SLC2A13: variants seen among roughly 807,000 people sequenced by gnomAD.
SLC2A13 encodes solute carrier family 2 member 13, also known as proton myo-inositol cotransporter.
In SLC2A13, 32 loss-of-function variants were observed where a neutral mutation model predicts 64.4. The observed-to-expected ratio is 0.50, with a 90% CI of 0.37 to 0.67. SLC2A13 has a LOEUF of 0.67. SLC2A13 is among the 30% of genes least tolerant of loss of function. SLC2A13 has a pLI of 0.00. For synonymous variants in SLC2A13, 338 were observed against 327.1 expected (o/e 1.03, Z -0.36); for missense variants, 743 against 829.2 (o/e 0.90, Z 1.28).
intron 3 of SLC2A13, among the ~76,000 whole-genome samples, chr12:40,003,469 T>C (rs1947352689): frequency 2.6e-5 from 4 of 152,122 alleles, no homozygotes. Context: ...AGGTGCCCCA[T>C]AGACAAATAT....
intron 4 of SLC2A13, among the ~76,000 whole-genome samples, chr12:39,919,738 C>A (rs1479681878): frequency 6.6e-6 from 1 of 152,042 alleles, no homozygotes; most frequent in East Asian, 1.9e-4. Flanking sequence ...CCTATAATTT[C>A]ATCTTTTCTA....
At chr12:39,901,840 G>T (rs1350058552) in intron 4 of SLC2A13, among the ~76,000 whole-genome samples, 1 of 147,690 alleles carries the variant, frequency 6.8e-6, no homozygotes, top group Non-Finnish European at 1.5e-5. Flanking sequence ...TCCCATTACT[G>T]GGTATATACC....
intron 1 of SLC2A13, among the ~76,000 whole-genome samples, chr12:40,049,973 C>T (rs17489246): frequency 6.6e-6 from 1 of 152,084 alleles, no homozygotes; most frequent in Non-Finnish European, 1.5e-5. Context: ...TAAGCATGTG[C>T]TAATAGACAC....
At chr12:39,938,193 T>A (rs992902893) in intron 4 of SLC2A13, among the ~76,000 whole-genome samples, 1 of 152,152 alleles carries the variant, frequency 6.6e-6, no homozygotes, top group Non-Finnish European at 1.5e-5. Context: ...CAATCATACA[T>A]GCTTTCTCAT....
chr12:40,101,240 TTTTTTTTACAACCAG>T (rs1199475939), intron 1 of SLC2A13, among the ~76,000 whole-genome samples: 6 of 151,576 alleles, frequency 4.0e-5, no homozygotes, highest in African/African-American at 1.5e-4. Context: ...GCACGCAGTA[TTTTTTTTACAACCAG>T]TCAAGAAAAC....
intron 6 of SLC2A13, among the ~76,000 whole-genome samples, chr12:39,853,304 G>C (rs1461681929): frequency 6.6e-6 from 1 of 152,030 alleles, no homozygotes; most frequent in Admixed American, 6.6e-5. Flanking sequence ...GAACCACTGT[G>C]GGTGATCTAA....
At chr12:39,828,657 T>C (rs1321640197) in intron 7 of SLC2A13, among the ~76,000 whole-genome samples, 1 of 152,102 alleles carries the variant, frequency 6.6e-6, no homozygotes, top group African/African-American at 2.4e-5. Context: ...TATGTACATT[T>C]CTTTTTTTAA....
At chr12:40,043,734 GAA>G (rs76244392) in intron 2 of SLC2A13, among the ~76,000 whole-genome samples, 2 of 148,742 alleles carry the variant, frequency 1.3e-5, no homozygotes, top group African/African-American at 4.9e-5. Context: ...AATATATTAG[GAA>G]AAAAAAAAGT....
intron 1 of SLC2A13, among the ~76,000 whole-genome samples, chr12:40,099,546 C>A (rs1385227103): frequency 6.6e-6 from 1 of 152,070 alleles, no homozygotes; most frequent in African/African-American, 2.4e-5. Context: ...CATAAGAGGG[C>A]AAAATGGATG....
intron 3 of SLC2A13, among the ~76,000 whole-genome samples, chr12:40,026,837 T>C (rs1196392872): frequency 6.6e-6 from 1 of 152,196 alleles, no homozygotes; most frequent in Non-Finnish European, 1.5e-5. Context: ...CCCAGTACTT[T>C]GGGAGGCCAA....
intron 1 of SLC2A13, chr12:40,068,124 G>A (rs1291876626): frequency 5.1e-6 from 1 of 195,724 alleles, no homozygotes; most frequent in Non-Finnish European, 1.1e-5. Context: ...TGCCCAGGGT[G>A]GTCTCCAACT....
At chr12:40,024,617 T>C (rs1394024478) in intron 3 of SLC2A13, among the ~76,000 whole-genome samples, 3 of 152,218 alleles carry the variant, frequency 2.0e-5, no homozygotes, top group Non-Finnish European at 4.4e-5. Context: ...TTTGTAGTTA[T>C]CTAGTAGTTA....
At chr12:39,913,484 T>A (rs1223970239) in intron 4 of SLC2A13, among the ~76,000 whole-genome samples, 1 of 149,936 alleles carries the variant, frequency 6.7e-6, no homozygotes, top group Non-Finnish European at 1.5e-5. Context: ...AATTTAGTCA[T>A]CAAAAGACTG....
intron 7 of SLC2A13, among the ~76,000 whole-genome samples, chr12:39,827,997 G>A (rs1039389779): frequency 1.3e-5 from 2 of 152,032 alleles, no homozygotes; most frequent in African/African-American, 4.8e-5. Context: ...CAAGGTCATG[G>A]TTGACTTTGC....
intron 7 of SLC2A13, among the ~76,000 whole-genome samples, chr12:39,805,673 G>A (rs923385047): frequency 2.6e-5 from 4 of 152,130 alleles, no homozygotes; most frequent in African/African-American, 4.8e-5. Flanking sequence ...AATCCATTCC[G>A]CTTAAATAAT....
At chr12:39,925,192 C>T (rs543826563) in intron 4 of SLC2A13, among the ~76,000 whole-genome samples, 2 of 151,792 alleles carry the variant, frequency 1.3e-5, no homozygotes, top group South Asian at 2.1e-4. Context: ...CCATCATGCC[C>T]GGCTAATTTT....
intron 3 of SLC2A13, among the ~76,000 whole-genome samples, chr12:40,006,056 T>C (rs977185973): frequency 2.0e-5 from 3 of 152,148 alleles, no homozygotes; most frequent in Admixed American, 1.3e-4. Context: ...TACATGAATG[T>C]TTTAAGTCTA....
chr12:39,972,015 T>TATATATATATATATATATATA (rs1491210436), intron 3 of SLC2A13, among the ~76,000 whole-genome samples: 6 of 80,922 alleles, frequency 7.4e-5, no homozygotes, highest in African/African-American at 9.9e-5. Context: ...TATATATATA[T>TATATATATATATATATATATA]TTTTTTTTAT....
chr12:39,978,249 T>A (rs189452587), intron 3 of SLC2A13, among the ~76,000 whole-genome samples: 1 of 152,354 alleles, frequency 6.6e-6, no homozygotes, highest in Non-Finnish European at 1.5e-5. Context: ...GGAAGAACTC[T>A]TAATTGGTGA....
Sources: gnomAD v4.1 joint callset for allele counts (sites outside exome capture counted in the v4.1 genomes callset) on GRCh38, gnomAD v4.1.1 for gene constraint, MANE v1.5 for transcripts, NCBI Gene and HGNC (gene_info 2026-07-23, HGNC 2026-07-21) for gene names.